The following CPED1 variants were observed in gnomAD, a reference collection of about 807,000 sequenced individuals.
CPED1 encodes the protein cadherin like and PC-esterase domain containing 1.
In CPED1, 114 loss-of-function variants were observed where a neutral mutation model predicts 128.2. The observed-to-expected ratio is 0.89, with a 90% CI of 0.76 to 1.04. The LOEUF (loss-of-function observed/expected upper bound fraction) is 1.04, where lower values mean the gene tolerates loss of function less well. Among genes scored for constraint, CPED1 ranks in the 50% least tolerant of loss-of-function variants. CPED1 has a pLI of 0.00. For missense variants in CPED1, 1,211 were observed against 1,207.1 expected (o/e 1.00, Z -0.05); for synonymous variants, 462 against 426.7 (o/e 1.08, Z -1.02).
At chr7:121,117,464 A>G (rs920883960) in intron 7 of CPED1, among the ~76,000 whole-genome samples, 7 of 152,018 alleles carry the variant, frequency 4.6e-5, no homozygotes, top group Non-Finnish European at 5.9e-5. Flanking sequence ...TAGGTTTGTA[A>G]TTTAGTCATT....
intron 3 of CPED1, among the ~76,000 whole-genome samples, chr7:121,046,323 G>A (rs777266496): frequency 2.6e-5 from 4 of 151,886 alleles, no homozygotes; most frequent in South Asian, 4.1e-4. Context: ...AAAATCTGTC[G>A]TTTTTATTTT....
At chr7:120,998,270 A>T (rs1324422519) in intron 2 of CPED1, among the ~76,000 whole-genome samples, 1 of 152,232 alleles carries the variant, frequency 6.6e-6, no homozygotes, top group Non-Finnish European at 1.5e-5. Flanking sequence ...GCTCTAGGAA[A>T]CTAATAAATT....
At chr7:121,155,381 A>C (rs1277804322) in intron 16 of CPED1, among the ~76,000 whole-genome samples, 1 of 152,192 alleles carries the variant, frequency 6.6e-6, no homozygotes, top group African/African-American at 2.4e-5. Flanking sequence ...TGTGGAACCA[A>C]AAAAGATCCT....
In CPED1 at chr7:120,989,818, C is replaced by T. The variant is rs565665613; in HGVS notation, c.197C>T (p.Ser66Phe). 10 of 1,614,120 alleles carry T rather than the reference C, an allele frequency of 6.2e-6. No individual in the cohort carries two copies. The South Asian group carries it at 1.1e-4, about 18-fold the overall frequency. ...TQASRCKKGF[S>F]QDKQCFLLSG... ...GCAAGCAGATGCAAGAAAGGATTCT[C>T]TCAGGACAAACAGTGCTTCCTTCTC... The change falls in exon 2 of 23, where the codon TCT becomes TTT. Residue 66 changes from serine to phenylalanine, a missense_variant. Ser to Phe is a radical substitution (Grantham distance 155). Coordinates refer to ENST00000310396, the MANE Select transcript of CPED1 (RefSeq NM_024913.5).
intron 4 of CPED1, among the ~76,000 whole-genome samples, chr7:121,052,319 C>T (rs1012896937): frequency 2.6e-5 from 4 of 152,176 alleles, no homozygotes; most frequent in Non-Finnish European, 5.9e-5. Context: ...CACTTTGTTT[C>T]CTGAGCCCCA....
chr7:121,128,950 C>G (rs969931806), intron 11 of CPED1, among the ~76,000 whole-genome samples: 2 of 151,830 alleles, frequency 1.3e-5, no homozygotes, highest in African/African-American at 2.4e-5. Context: ...AACTCTATAT[C>G]AAACTTCAAA....
At chr7:120,995,080 T>C (rs890385661) in intron 2 of CPED1, among the ~76,000 whole-genome samples, 3 of 152,152 alleles carry the variant, frequency 2.0e-5, no homozygotes, top group African/African-American at 7.2e-5. Context: ...AATAAAACAA[T>C]AAGCTTTCTT....
intron 2 of CPED1, 100 bp from the exon 3 acceptor site, chr7:121,015,565 T>G: frequency 9.0e-7 from 1 of 1,107,188 alleles, no homozygotes; most frequent in Non-Finnish European, 1.3e-6. Context: ...AGAAAAACTT[T>G]AGAATAACTT....
At chr7:121,159,473 G>A (rs939887229) in intron 16 of CPED1, among the ~76,000 whole-genome samples, 6 of 151,946 alleles carry the variant, frequency 3.9e-5, no homozygotes, top group African/African-American at 9.7e-5. Flanking sequence ...TTGTTATGCC[G>A]GGTACATGGA....
intron 22 of CPED1, among the ~76,000 whole-genome samples, chr7:121,289,139 C>A (rs918887936): frequency 4.7e-4 from 72 of 152,154 alleles, no homozygotes; most frequent in African/African-American, 1.6e-3. Context: ...CTACAATCCA[C>A]AGGGATTCCT....
chr7:121,068,628 G>A (rs1480764178), intron 5 of CPED1, among the ~76,000 whole-genome samples: 3 of 150,272 alleles, frequency 2.0e-5, no homozygotes, highest in Non-Finnish European at 4.5e-5. Flanking sequence ...GAACTTTAAA[G>A]TAGTTTTTTC....
chr7:121,190,541 T>G (rs892469885), intron 16 of CPED1, among the ~76,000 whole-genome samples: 1 of 152,050 alleles, frequency 6.6e-6, no homozygotes, highest in African/African-American at 2.4e-5. Context: ...ATTTTCTCAC[T>G]TCCAGACCTG....
At chr7:121,079,657 T>C (rs1794231399) in intron 5 of CPED1, among the ~76,000 whole-genome samples, 1 of 152,256 alleles carries the variant, frequency 6.6e-6, no homozygotes, top group Admixed American at 6.5e-5. Flanking sequence ...CCAGAAAACA[T>C]TTGGCAGTTT....
chr7:121,236,241 G>A (rs1798251993), intron 16 of CPED1, among the ~76,000 whole-genome samples: 1 of 152,114 alleles, frequency 6.6e-6, no homozygotes, highest in Admixed American at 6.6e-5. Context: ...ACCCACTGTT[G>A]TAAATATAAG....
rs76432016 is a variant in CPED1 at position 121,235,200 on chromosome 7, C to T, written c.2056-1514C>T. ...GTTGGATAGATATCACACACATACA[C>T]GGGTATACTAACAAGTATCATTTAT... On this transcript the variant is annotated intron_variant, in intron 16 of 22. Transcript: ENST00000310396. Among the ~76,000 whole-genome samples, 988 of 152,162 alleles carry T rather than the reference C, an allele frequency of 6.5e-3. 17 individuals are homozygous for T. The highest frequency in any genetic ancestry group is 0.022 in the African/African-American group (912 of 41,520).
At chr7:121,246,827 G>C (rs17357560) in intron 18 of CPED1, among the ~76,000 whole-genome samples, 2,297 of 152,196 alleles carry the variant, frequency 0.015, 26 homozygotes, top group Admixed American at 0.034. Flanking sequence ...ATAAAAGTCC[G>C]TGCTTAAATG....
chr7:121,210,769 A>G (rs1001741588), intron 16 of CPED1, among the ~76,000 whole-genome samples: 1 of 152,018 alleles, frequency 6.6e-6, no homozygotes, highest in Admixed American at 6.6e-5. Flanking sequence ...ACAGTCAACA[A>G]TAATCTATTA....
chr7:121,295,673 A>G lies in CPED1; in HGVS notation c.*21A>G. ...TGTAGGCTCCCTGCAGGAGAGCTGAATCTGGAGCTGGAGACGAGCTAGTCA... is the reference window on the plus strand; with the variant it reads ...TGTAGGCTCCCTGCAGGAGAGCTGAGTCTGGAGCTGGAGACGAGCTAGTCA... On this transcript the variant is annotated 3_prime_UTR_variant, in exon 23 of 23. Coordinates refer to ENST00000310396, the MANE Select transcript of CPED1 (RefSeq NM_024913.5). 1 of 1,604,920 alleles carries G rather than the reference A, an allele frequency of 6.2e-7. No homozygotes were observed. Among genetic ancestry groups the G allele is most frequent in the South Asian group, 1.1e-5 (1 of 90,544 alleles).
At chr7:121,138,147 G>A (rs915887792) in intron 14 of CPED1, among the ~76,000 whole-genome samples, 1 of 151,988 alleles carries the variant, frequency 6.6e-6, no homozygotes, top group Admixed American at 6.6e-5. Context: ...GAACAGGTGG[G>A]ATTATCTTTA....
Sources: allele counts gnomAD v4.1 joint callset (sites outside exome capture counted in the v4.1 genomes callset), GRCh38; gene constraint gnomAD v4.1.1; transcripts MANE v1.5; gene names NCBI Gene and HGNC (gene_info 2026-07-23, HGNC 2026-07-21).